Variants in GPHN observed in about 807,000 individuals in gnomAD.
The protein encoded by GPHN is gephyrin.
A neutral mutation model predicts 95.5 loss-of-function variants in GPHN; 17 were observed. The ratio of observed to expected loss-of-function variants is 0.18; its 90% CI spans 0.12 to 0.27. GPHN has a LOEUF of 0.27. GPHN is among the 10% of genes least tolerant of loss of function. The probability of loss-of-function intolerance (pLI) is 1.00; values close to 1 mark genes in which losing one functional copy is unlikely to be tolerated. For synonymous variants in GPHN, 320 were observed against 322.5 expected (o/e 0.99, Z 0.08); for missense variants, 660 against 978.1 (o/e 0.67, Z 4.34).
intron 5 of GPHN, among the ~76,000 whole-genome samples, chr14:66,883,961 C>G (rs969389701): frequency 6.6e-6 from 1 of 152,086 alleles, no homozygotes; most frequent in Non-Finnish European, 1.5e-5. Context: ...ATTTTCCCCT[C>G]ACTCTCCAGC....
intron 20 of GPHN, 42 bp from the exon 21 acceptor site, chr14:67,168,891 G>A (rs748718571): frequency 8.0e-7 from 1 of 1,248,602 alleles, no homozygotes; most frequent in South Asian, 1.2e-5. Flanking sequence ...TTGGCAAATT[G>A]TTACACAGTG....
intron 11 of GPHN, among the ~76,000 whole-genome samples, chr14:67,088,433 T>C (rs2076996917): frequency 6.6e-6 from 1 of 152,186 alleles, no homozygotes; most frequent in Non-Finnish European, 1.5e-5. Flanking sequence ...TTTTCCTATG[T>C]CAATGAATAT....
At chr14:67,674,323 T>C in the GPHN span, 5 of 1,468,486 alleles carry the variant, frequency 3.4e-6, no homozygotes, top group Non-Finnish European at 4.5e-6. Context: ...GAATCTTCCT[T>C]CCAAAGCGCG....
At chr14:67,389,395 C>G in the GPHN span, among the ~76,000 whole-genome samples, 14,912 of 151,978 alleles carry the variant, frequency 0.098, 1,322 homozygotes, top group African/African-American at 0.24. Flanking sequence ...TCAGCCTAAA[C>G]AGGAGGAAGA....
At position 66,806,392 on chromosome 14, in the gene GPHN, G is replaced by A. The variant is rs148608869; in HGVS notation, c.202-18082G>A. On this transcript the variant is annotated intron_variant, in intron 3 of 22. Transcript: ENST00000478722. ...CCCATTTTCTTGGGGATTAACATTC[G>A]GCTCCTTGTTACTCATGCAGATTTC... Among the ~76,000 whole-genome samples the A allele has an allele frequency of 4.6e-3, 705 of 152,218 alleles. 5 individuals are homozygous for A. Among genetic ancestry groups the A allele is most frequent in the African/African-American group, 0.016 (678 of 41,522 alleles).
At chr14:66,935,219 AG>A (rs1186479476) in intron 8 of GPHN, among the ~76,000 whole-genome samples, 1 of 152,170 alleles carries the variant, frequency 6.6e-6, no homozygotes, top group Admixed American at 6.5e-5. Flanking sequence ...TTTAAGACAA[AG>A]AGGGAAGCTA....
the GPHN span, among the ~76,000 whole-genome samples, chr14:67,286,872 AAAG>A: frequency 2.0e-5 from 3 of 151,002 alleles, no homozygotes; most frequent in African/African-American, 4.9e-5. Context: ...AAAAAAAAAA[AAAG>A]AAAAAAACTG....
At chr14:66,554,724 G>C (rs933807727) in intron 1 of GPHN, among the ~76,000 whole-genome samples, 2 of 152,106 alleles carry the variant, frequency 1.3e-5, no homozygotes, top group African/African-American at 2.4e-5. Context: ...CAATTATATA[G>C]TCAGGGAATC....
At chr14:66,985,937 G>A (rs770468944) in intron 9 of GPHN, among the ~76,000 whole-genome samples, 2 of 151,894 alleles carry the variant, frequency 1.3e-5, no homozygotes, top group Admixed American at 6.6e-5. Context: ...CTGAAGGCAA[G>A]CTGCCAAATA....
chr14:67,706,134 G>C, the GPHN span: 1 of 152,250 alleles, frequency 6.6e-6, no homozygotes, highest in Non-Finnish European at 1.5e-5. Context: ...CTAAGAAGGA[G>C]AGAACTGGCC....
chr14:67,424,087 A>G, the GPHN span, among the ~76,000 whole-genome samples: 2 of 151,862 alleles, frequency 1.3e-5, no homozygotes, highest in African/African-American at 4.8e-5. Context: ...AAAATACAAA[A>G]AAATTAGCCA....
At chr14:66,956,858 G>T (rs1468400440) in intron 8 of GPHN, among the ~76,000 whole-genome samples, 3 of 150,030 alleles carry the variant, frequency 2.0e-5, no homozygotes, top group African/African-American at 7.4e-5. Flanking sequence ...GTAAACTATC[G>T]CAAGAACAAA....
At chr14:67,314,816 C>T in the GPHN span, among the ~76,000 whole-genome samples, 1 of 152,084 alleles carries the variant, frequency 6.6e-6, no homozygotes, top group East Asian at 1.9e-4. Flanking sequence ...TGAGGCTGGC[C>T]CTGGTGGCTC....
At chr14:67,025,210 T>C (rs1040923534) in intron 10 of GPHN, among the ~76,000 whole-genome samples, 1 of 152,236 alleles carries the variant, frequency 6.6e-6, no homozygotes, top group African/African-American at 2.4e-5. Context: ...AATGCATTTA[T>C]CCTTGGTAAA....
the GPHN span, among the ~76,000 whole-genome samples, chr14:67,439,757 CATTTTGAG>C: frequency 6.6e-6 from 1 of 152,000 alleles, no homozygotes; most frequent in Non-Finnish European, 1.5e-5. Flanking sequence ...AAATTTGTTC[CATTTTGAG>C]ATTTTGAGGT....
At chr14:67,481,180 C>T in the GPHN span, among the ~76,000 whole-genome samples, 113 of 152,182 alleles carry the variant, frequency 7.4e-4, 1 homozygote, top group African/African-American at 2.5e-3. Context: ...TAGTCCCAGA[C>T]GCTAAGGCAG....
the GPHN span, among the ~76,000 whole-genome samples, chr14:67,266,475 G>C: frequency 6.6e-6 from 1 of 151,962 alleles, no homozygotes; most frequent in Non-Finnish European, 1.5e-5. Context: ...ACAGGTGTCT[G>C]CCACCATGCC....
the GPHN span, chr14:67,586,834 C>T: frequency 1.3e-6 from 2 of 1,483,654 alleles, no homozygotes; most frequent in Non-Finnish European, 1.8e-6. Flanking sequence ...GAACACTGGG[C>T]CTCCTTTTCT....
chr14:66,880,350 TTTGTTGTTGTTGTTG>T (rs35170352), intron 5 of GPHN, among the ~76,000 whole-genome samples: 1 of 150,358 alleles, frequency 6.7e-6, no homozygotes, highest in African/African-American at 2.5e-5. Flanking sequence ...TTCACTTCTT[TTTGTTGTTGTTGTTG>T]TTGTTGTTGT....
Sources: allele counts gnomAD v4.1 joint callset (sites outside exome capture counted in the v4.1 genomes callset), GRCh38; gene constraint gnomAD v4.1.1; transcripts MANE v1.5; gene names NCBI Gene and HGNC (gene_info 2026-07-23, HGNC 2026-07-21).